LSAMP: variants seen among roughly 807,000 people sequenced by gnomAD.
LSAMP encodes limbic system associated membrane protein, also known as limbic system-associated membrane protein.
Under a neutral mutation model 38.6 loss-of-function variants are expected in LSAMP, and 7 were observed. That is an observed-to-expected ratio of 0.18 (90% confidence interval 0.10 to 0.34). The LOEUF (loss-of-function observed/expected upper bound fraction) is 0.34. Among genes scored for constraint, LSAMP ranks in the 10% least tolerant of loss-of-function variants. The probability of loss-of-function intolerance (pLI) is 1.00; values close to 1 mark genes in which losing one functional copy is unlikely to be tolerated. For synonymous variants in LSAMP, 154 were observed against 166.8 expected, an observed-to-expected ratio of 0.92 and a Z score of 0.59; for missense variants, 313 against 420.0, an observed-to-expected ratio of 0.75 and a Z score of 2.23.
At chr3:115,933,144 G>A (rs149951122) in intron 3 of LSAMP, among the ~76,000 whole-genome samples, 3 of 152,322 alleles carry the variant, frequency 2.0e-5, no homozygotes, top group African/African-American at 7.2e-5. Context: ...AGACCCTGTT[G>A]TGGTCAGGAA....
chr3:116,230,824 G>C (rs775724233), intron 1 of LSAMP, among the ~76,000 whole-genome samples: 2 of 152,106 alleles, frequency 1.3e-5, no homozygotes, highest in Non-Finnish European at 2.9e-5. Context: ...TGATAATGCT[G>C]CAAGTAAAAA....
rs535967924 is a variant in LSAMP at position 116,087,846 on chromosome 3, T to C, written c.156-1290A>G. On this transcript the variant is annotated intron_variant, in intron 1 of 6. Coordinates refer to ENST00000490035, the MANE Select transcript of LSAMP (RefSeq NM_002338.5). ...CCATTTATGGTATAATACAAAGACC[T>C]CCTTATCCTATTAATTTTAAACGAA... Among the ~76,000 whole-genome samples the C allele has an allele frequency of 2.0e-5, 3 of 152,140 alleles. No homozygotes were observed. In the East Asian group the frequency reaches 5.8e-4, roughly 29 times the overall value.
chr3:115,971,227 C>T (rs951400294), intron 3 of LSAMP, among the ~76,000 whole-genome samples: 9 of 152,060 alleles, frequency 5.9e-5, no homozygotes, highest in African/African-American at 2.2e-4. Context: ...TGTGCCTGTA[C>T]AATTAATGAG....
intron 3 of LSAMP, among the ~76,000 whole-genome samples, chr3:115,977,120 G>T (rs769666246): frequency 6.6e-6 from 1 of 151,936 alleles, no homozygotes; most frequent in Non-Finnish European, 1.5e-5. Flanking sequence ...GCTTGAAAGT[G>T]AGAAGATTTA....
At chr3:115,810,462 C>T (rs1160234867) in intron 6 of LSAMP, 48 bp from the exon 7 acceptor site, 1 of 1,277,540 alleles carries the variant, frequency 7.8e-7, no homozygotes, top group Non-Finnish European at 1.1e-6. Flanking sequence ...TTACATGGGC[C>T]CACTGTATGT....
chr3:116,145,644 G>C (rs528480287), intron 1 of LSAMP, among the ~76,000 whole-genome samples: 16 of 152,002 alleles, frequency 1.1e-4, no homozygotes, highest in African/African-American at 3.4e-4. Context: ...GTTTAACCAA[G>C]CAACTAAATA....
chr3:115,975,894 G>T (rs767599464), intron 3 of LSAMP, among the ~76,000 whole-genome samples: 1 of 151,974 alleles, frequency 6.6e-6, no homozygotes, highest in African/African-American at 2.4e-5. Flanking sequence ...TGTCCCAACT[G>T]CCCCCTCTTT....
intron 1 of LSAMP, among the ~76,000 whole-genome samples, chr3:116,238,613 C>G (rs764731892): frequency 6.6e-6 from 1 of 152,126 alleles, no homozygotes; most frequent in African/African-American, 2.4e-5. Flanking sequence ...CCTAACACCT[C>G]TATACAAAGC....
At chr3:116,402,999 T>C (rs1264269349) in intron 1 of LSAMP, among the ~76,000 whole-genome samples, 1 of 152,190 alleles carries the variant, frequency 6.6e-6, no homozygotes, top group African/African-American at 2.4e-5. Flanking sequence ...GACTCAAGTG[T>C]TAGCATATAA....
chr3:116,005,248 G>C (rs139731856), intron 3 of LSAMP, among the ~76,000 whole-genome samples: 1 of 152,046 alleles, frequency 6.6e-6, no homozygotes. Context: ...AACCCAGAAA[G>C]GTACCACCTC....
intron 3 of LSAMP, among the ~76,000 whole-genome samples, chr3:115,940,479 C>T (rs1032383242): frequency 6.6e-6 from 1 of 152,140 alleles, no homozygotes; most frequent in East Asian, 1.9e-4. Context: ...TTTAGCTAGA[C>T]ACAAAAGTTC....
chr3:116,255,490 T>C (rs1441648963), intron 1 of LSAMP, among the ~76,000 whole-genome samples: 1 of 134,164 alleles, frequency 7.5e-6, no homozygotes, highest in Non-Finnish European at 1.7e-5. Flanking sequence ...TTTTGAAACA[T>C]GTGTATTTAT....
intron 1 of LSAMP, among the ~76,000 whole-genome samples, chr3:116,374,735 G>A (rs1011592060): frequency 2.6e-5 from 4 of 151,824 alleles, no homozygotes; most frequent in African/African-American, 9.7e-5. Flanking sequence ...ATTTATTGAT[G>A]TATTTTTGGT....
chr3:115,900,058 C>G (rs181471752), intron 3 of LSAMP, among the ~76,000 whole-genome samples: 100 of 152,292 alleles, frequency 6.6e-4, no homozygotes, highest in African/African-American at 2.2e-3. Flanking sequence ...TTACACTTAA[C>G]TATTTGCTTT....
rs1935364647 is a variant in LSAMP, at chr3:115,852,465, G to A, written c.649+18C>T. On this transcript the variant is annotated intron_variant, in intron 4 of 6. Transcript: ENST00000490035. ...GCACCCTGGGCACCTAGCACCTGCT[G>A]GCTCCTGCCGTACTCACAGTTCACA... 1 of 1,595,984 alleles carries A rather than the reference G, an allele frequency of 6.3e-7. No homozygotes were observed. Among genetic ancestry groups the A allele is most frequent in the Non-Finnish European group, 8.5e-7 (1 of 1,172,028 alleles).
rs1242353660 is a variant in LSAMP, at chr3:115,804,586, T to C, written c.*5731A>G. ...GCCCTTAAAACTCCTTCCTGTTTTT[T>C]TTCTTTTTTTTTCTCTTAGGTAGAT... On this transcript the variant is annotated 3_prime_UTR_variant, in exon 7 of 7. Transcript: ENST00000490035. The C allele has an allele frequency of 6.6e-6, 1 of 152,104 alleles. No homozygotes were observed. Among genetic ancestry groups the C allele is most frequent in the Non-Finnish European group, 1.5e-5 (1 of 68,018 alleles). The allele number at this position is 152,104 out of a possible 1,614,324, so 9.4% of individuals were successfully genotyped here. A position where few individuals can be genotyped will look rare whatever the true frequency, so the allele number is the denominator to read the frequency against.
intron 1 of LSAMP, among the ~76,000 whole-genome samples, chr3:116,161,529 T>C (rs2107539075): frequency 6.6e-6 from 1 of 152,254 alleles, no homozygotes; most frequent in Non-Finnish European, 1.5e-5. Flanking sequence ...GTTCTGCCTG[T>C]GGCTGATCAG....
intron 3 of LSAMP, among the ~76,000 whole-genome samples, chr3:115,938,156 CA>C (rs1937774136): frequency 2.0e-5 from 3 of 152,114 alleles, no homozygotes; most frequent in South Asian, 4.2e-4. Context: ...TCACTGCATT[CA>C]AAAAAGTCCA....
chr3:116,411,338 G>A (rs1022494606), intron 1 of LSAMP, among the ~76,000 whole-genome samples: 1 of 151,926 alleles, frequency 6.6e-6, no homozygotes, highest in African/African-American at 2.4e-5. Context: ...TATGTTTAGT[G>A]CGGCACTATC....
Sources: gnomAD v4.1 joint callset for allele counts (sites outside exome capture counted in the v4.1 genomes callset) on GRCh38, gnomAD v4.1.1 for gene constraint, MANE v1.5 for transcripts, NCBI Gene and HGNC (gene_info 2026-07-23, HGNC 2026-07-21) for gene names.